TMEM242: variants seen among roughly 807,000 people sequenced by gnomAD.
The protein encoded by TMEM242 is transmembrane protein 242.
In TMEM242, 10 loss-of-function variants were observed where a neutral mutation model predicts 18.2. The ratio of observed to expected loss-of-function variants is 0.55; its 90% confidence interval spans 0.34 to 0.93. The LOEUF (loss-of-function observed/expected upper bound fraction) is 0.93, where lower values mean the gene tolerates loss of function less well. Among genes scored for constraint, TMEM242 ranks in the 40% least tolerant of loss-of-function variants. The pLI is 0.02. For missense variants in TMEM242, 186 were observed against 175.5 expected (o/e 1.06, Z -0.34); for synonymous variants, 57 against 69.9 (o/e 0.81, Z 0.92).
rs1777950147 is a variant in TMEM242, at chr6:157,308,751, T to C, written c.327+10031A>G. On this transcript the variant is annotated intron_variant, in intron 3 of 3. Transcript: ENST00000400788. ...AGGAGAGATACAGGAAGAAAGAGAG[T>C]TGGGGGTGGGGGTGGATTACTTTCT... Among the ~76,000 whole-genome samples the C allele has an allele frequency of 2.0e-5, 3 of 150,586 alleles. No individual in the cohort carries two copies. In the South Asian group the frequency reaches 6.3e-4, roughly 32 times the overall value.
intron 3 of TMEM242, among the ~76,000 whole-genome samples, chr6:157,302,140 C>T (rs1424925612): frequency 4.6e-5 from 7 of 152,158 alleles, no homozygotes; most frequent in African/African-American, 1.7e-4. Context: ...GTACATGAAT[C>T]CTCTTAGCAC....
chr6:157,294,618 G>T (rs369929797), intron 3 of TMEM242, among the ~76,000 whole-genome samples: 2 of 152,042 alleles, frequency 1.3e-5, no homozygotes, highest in African/African-American at 4.8e-5. Flanking sequence ...CCAAAGTGCT[G>T]GGATTACAGG....
At chr6:157,318,656 A>G (rs1778445521) in intron 3 of TMEM242, 126 bp downstream of exon 3, 4 of 1,055,944 alleles carry the variant, frequency 3.8e-6, no homozygotes, top group Non-Finnish European at 5.5e-6. Flanking sequence ...TTAGTCACGT[A>G]CTCTGTCATC....
At chr6:157,312,712 CTGG>C (rs1778211374) in intron 3 of TMEM242, among the ~76,000 whole-genome samples, 2 of 142,026 alleles carry the variant, frequency 1.4e-5, no homozygotes, top group African/African-American at 2.7e-5. Context: ...GTGCGCTCAC[CTGG>C]CCTCATCTTA....
intron 3 of TMEM242, among the ~76,000 whole-genome samples, chr6:157,306,598 G>C (rs369469007): frequency 1.3e-5 from 2 of 152,182 alleles, no homozygotes; most frequent in African/African-American, 4.8e-5. Flanking sequence ...CTGGGCCCAT[G>C]AGCCTAGAGC....
intron 3 of TMEM242, among the ~76,000 whole-genome samples, chr6:157,301,251 A>G (rs1348527741): frequency 1.3e-5 from 2 of 152,240 alleles, no homozygotes; most frequent in African/African-American, 4.8e-5. Flanking sequence ...ATCAGCAAAA[A>G]AAAGATTTCC....
rs1777655434 is a variant in TMEM242 at position 157,289,494 on chromosome 6, T to C, written c.*3407A>G. The C allele has an allele frequency of 6.6e-6, 1 of 152,236 alleles. No individual in the cohort carries two copies. Among genetic ancestry groups the C allele is most frequent in the Non-Finnish European group, 1.5e-5 (1 of 68,042 alleles). 9.4% of individuals were successfully genotyped at this position (152,236 alleles called of 1,614,324 possible). ...TAACTTTCATAGGAAATTTAACTAT[T>C]TGATGAAATGCCTTTGTATGTTACC... On this transcript the variant is annotated 3_prime_UTR_variant, in exon 4 of 4. Coordinates refer to ENST00000400788, the MANE Select transcript of TMEM242 (RefSeq NM_018452.6).
At chr6:157,293,983 A>C (rs587593571) in intron 3 of TMEM242, among the ~76,000 whole-genome samples, 1 of 152,260 alleles carries the variant, frequency 6.6e-6, no homozygotes, top group African/African-American at 2.4e-5. Flanking sequence ...GGTCTCCCAA[A>C]GTGCTGAGAT....
At chr6:157,312,663 C>A (rs1554249367) in intron 3 of TMEM242, among the ~76,000 whole-genome samples, 1 of 150,022 alleles carries the variant, frequency 6.7e-6, no homozygotes, top group South Asian at 2.1e-4. Flanking sequence ...TCATAGTGCC[C>A]CAGGGTGCAC....
At chr6:157,297,913 A>C (rs1777772426) in intron 3 of TMEM242, among the ~76,000 whole-genome samples, 1 of 152,238 alleles carries the variant, frequency 6.6e-6, no homozygotes, top group African/African-American at 2.4e-5. Flanking sequence ...AATGTCAGAC[A>C]AACATTTTTA....
In TMEM242 at chr6:157,289,539, A is replaced by G. The variant is rs782193682; in HGVS notation, c.*3362T>C. ...GTTACCTGATTTTCATTTGTACTTA[A>G]CAATTTGTCTTAAAGATGATACATA... is the stretch of plus-strand genomic sequence containing the variant. On this transcript the variant is annotated 3_prime_UTR_variant, in exon 4 of 4. Coordinates refer to ENST00000400788, the MANE Select transcript of TMEM242 (RefSeq NM_018452.6). 7.9e-5 allele frequency: 12 copies of G among 152,222 alleles called. No homozygotes were observed. The highest frequency in any genetic ancestry group is 1.8e-4 in the Non-Finnish European group (12 of 68,042). 9.4% of individuals were successfully genotyped at this position (152,222 alleles called of 1,614,324 possible).
At chr6:157,303,401 T>G (rs1197863851) in intron 3 of TMEM242, among the ~76,000 whole-genome samples, 1 of 152,184 alleles carries the variant, frequency 6.6e-6, no homozygotes, top group Non-Finnish European at 1.5e-5. Context: ...ATGCATATAT[T>G]TCAAGTAAAG....
chr6:157,291,091 A>C lies in TMEM242; in HGVS notation c.*1810T>G, dbSNP rs1258230507. On this transcript the variant is annotated 3_prime_UTR_variant, in exon 4 of 4. Transcript: ENST00000400788. ...GCTGACACCAGTTTACAAGGCCCTG[A>C]GAGGGGTCCCTGCCCTTCGGGAGGT... The C allele has an allele frequency of 6.6e-6, 1 of 152,242 alleles. No homozygotes were observed. The highest frequency in any genetic ancestry group is 2.4e-5 in the African/African-American group (1 of 41,468). 9.4% of individuals were successfully genotyped at this position (152,242 alleles called of 1,614,324 possible).
At position 157,300,166 on chromosome 6, in the gene TMEM242, A is replaced by C. The variant is rs1253872854; in HGVS notation, c.328-7167T>G. 5.5e-6 allele frequency: 3 copies of C among 543,216 alleles called. No homozygotes were observed. In the Admixed American group the frequency reaches 9.4e-5, roughly 17 times the overall value. 33.6% of individuals were successfully genotyped at this position (543,216 alleles called of 1,614,324 possible). On this transcript the variant is annotated intron_variant, in intron 3 of 3. Coordinates refer to ENST00000400788, the MANE Select transcript of TMEM242 (RefSeq NM_018452.6). ...GAAATGGAGGGAGAGAATGGAAGAAAACTGCTGACCAGGACGTCGCAACGC... is the reference window on the plus strand; with the variant it reads ...GAAATGGAGGGAGAGAATGGAAGAACACTGCTGACCAGGACGTCGCAACGC...
intron 3 of TMEM242, among the ~76,000 whole-genome samples, chr6:157,313,672 T>C (rs587748520): frequency 1.0e-3 from 154 of 150,068 alleles, no homozygotes; most frequent in Non-Finnish European, 6.5e-4. Context: ...CCTAGCCCCA[T>C]CATAGTGTCC....
intron 3 of TMEM242, among the ~76,000 whole-genome samples, chr6:157,310,008 A>G (rs1250398249): frequency 6.6e-6 from 1 of 152,210 alleles, no homozygotes; most frequent in Non-Finnish European, 1.5e-5. Flanking sequence ...ACAGGTCCAC[A>G]GACATAGCGC....
chr6:157,310,371 T>G (rs1439134812), intron 3 of TMEM242, among the ~76,000 whole-genome samples: 1 of 58,660 alleles, frequency 1.7e-5, no homozygotes, highest in Non-Finnish European at 3.7e-5. Context: ...AGCATCCCAG[T>G]GTGCACTCAC....
At position 157,321,513 on chromosome 6, in the gene TMEM242, T is replaced by C. The variant is rs1390756378; in HGVS notation, c.189+1192A>G. Among the ~76,000 whole-genome samples the C allele has an allele frequency of 2.6e-5, 4 of 152,188 alleles. No individual in the cohort carries two copies. In the East Asian group the frequency reaches 7.7e-4, roughly 29 times the overall value. ...TAGACCAAGGTATCAGCAGTTTTAC[T>C]CTCCATTGCCTCTGTACCATTAGTA... On this transcript the variant is annotated intron_variant, in intron 2 of 3. Transcript: ENST00000400788.
chr6:157,315,909 G>A (rs1236479807), intron 3 of TMEM242, among the ~76,000 whole-genome samples: 2 of 152,134 alleles, frequency 1.3e-5, no homozygotes, highest in African/African-American at 4.8e-5. Flanking sequence ...TAATGTATGT[G>A]TTCTATGTGA....
Sources: gnomAD v4.1 joint callset for allele counts (sites outside exome capture counted in the v4.1 genomes callset) on GRCh38, gnomAD v4.1.1 for gene constraint, MANE v1.5 for transcripts, NCBI Gene and HGNC (gene_info 2026-07-23, HGNC 2026-07-21) for gene names.